Variants in PRKN observed in about 807,000 individuals in gnomAD.
The protein encoded by PRKN is E3 ubiquitin-protein ligase parkin.
A neutral mutation model predicts 59.5 loss-of-function variants in PRKN; 56 were observed. That is an observed-to-expected ratio of 0.94 (90% CI 0.76 to 1.18). The LOEUF is 1.18. Among genes scored for constraint, PRKN ranks in the 50% most tolerant of loss-of-function variants. The pLI is 0.00. For synonymous variants in PRKN, 250 were observed against 222.1 expected, an observed-to-expected ratio of 1.13 and a Z score of -1.12; for missense variants, 657 against 596.4, an observed-to-expected ratio of 1.10 and a Z score of -1.06.
At chr6:162,366,776 A>ATGCCTG (rs1785461406) in intron 2 of PRKN, among the ~76,000 whole-genome samples, 1 of 152,074 alleles carries the variant, frequency 6.6e-6, no homozygotes, top group South Asian at 2.1e-4. Flanking sequence ...GTGGTGGTAC[A>ATGCCTG]TAATCCCAGC....
intron 9 of PRKN, among the ~76,000 whole-genome samples, chr6:161,416,217 G>A (rs1475544468): frequency 6.6e-6 from 1 of 152,120 alleles, no homozygotes; most frequent in African/African-American, 2.4e-5. Context: ...TTCACAGAAT[G>A]ACCAGTGGCC....
At position 162,711,390 on chromosome 6, in the gene PRKN, G is replaced by A. The variant is rs544068147; in HGVS notation, c.7+16272C>T. Among the ~76,000 whole-genome samples, 6 of 148,142 alleles carry A rather than the reference G, an allele frequency of 4.1e-5. No individual in the cohort carries two copies. The South Asian group carries it at 1.1e-3, about 26-fold the overall frequency. On this transcript the variant is annotated intron_variant, in intron 1 of 11. Coordinates refer to ENST00000366898, the MANE Select transcript of PRKN (RefSeq NM_004562.3). ...TGCTTATTCTCTGATGAGACCAACTGGAATCAAGCTGTTGGTCAAAACTGC... is the reference window on the plus strand; with the variant it reads ...TGCTTATTCTCTGATGAGACCAACTAGAATCAAGCTGTTGGTCAAAACTGC...
intron 7 of PRKN, among the ~76,000 whole-genome samples, chr6:161,585,450 T>C (rs1028430429): frequency 1.3e-5 from 2 of 152,204 alleles, no homozygotes; most frequent in African/African-American, 2.4e-5. Context: ...AGCCCTCTTT[T>C]GCAGATAGAT....
intron 3 of PRKN, among the ~76,000 whole-genome samples, chr6:162,238,264 A>C (rs184767809): frequency 1.6e-4 from 24 of 152,226 alleles, no homozygotes; most frequent in Non-Finnish European, 3.2e-4. Flanking sequence ...TGCAGTATTC[A>C]GTACAGAAAC....
intron 4 of PRKN, among the ~76,000 whole-genome samples, chr6:162,112,385 T>G (rs1431374629): frequency 1.3e-5 from 2 of 152,202 alleles, no homozygotes; most frequent in Non-Finnish European, 2.9e-5. Context: ...ACAGAATACC[T>G]AAGTTTCTCC....
At chr6:162,107,331 G>A (rs919355908) in intron 4 of PRKN, among the ~76,000 whole-genome samples, 8 of 152,284 alleles carry the variant, frequency 5.3e-5, no homozygotes, top group Admixed American at 1.3e-4. Context: ...CGGGCATGGC[G>A]GCAGGCGCCT....
intron 10 of PRKN, among the ~76,000 whole-genome samples, chr6:161,374,697 G>A (rs1785610339): frequency 7.2e-6 from 1 of 139,480 alleles, no homozygotes; most frequent in Non-Finnish European, 1.6e-5. Flanking sequence ...TGTGTGATGT[G>A]TGCGTTATGT....
At chr6:161,904,921 G>T (rs1778086220) in intron 6 of PRKN, among the ~76,000 whole-genome samples, 1 of 152,108 alleles carries the variant, frequency 6.6e-6, no homozygotes, top group African/African-American at 2.4e-5. Flanking sequence ...TCAAGGTGTG[G>T]ATGGCTCTGC....
chr6:161,929,709 G>A (rs1405915294), intron 6 of PRKN, among the ~76,000 whole-genome samples: 2 of 151,770 alleles, frequency 1.3e-5, no homozygotes, highest in East Asian at 3.9e-4. Flanking sequence ...TAGAAACGGG[G>A]TTTTGCCATG....
intron 3 of PRKN, among the ~76,000 whole-genome samples, chr6:162,212,097 C>G (rs1018821795): frequency 6.6e-6 from 1 of 152,112 alleles, no homozygotes; most frequent in Non-Finnish European, 1.5e-5. Context: ...GAAAGTCTTT[C>G]TATATCATGA....
chr6:162,660,878 G>C (rs147922935), intron 1 of PRKN, among the ~76,000 whole-genome samples: 35 of 152,084 alleles, frequency 2.3e-4, no homozygotes, highest in African/African-American at 8.2e-4. Flanking sequence ...TCCTGGGCTG[G>C]GTACTCAAGA....
At chr6:162,337,205 T>C (rs1041639551) in intron 2 of PRKN, among the ~76,000 whole-genome samples, 36 of 152,178 alleles carry the variant, frequency 2.4e-4, no homozygotes, top group African/African-American at 8.4e-4. Flanking sequence ...AGTATGAATC[T>C]GCCTAATTAA....
At chr6:162,696,559 C>CTTTTT (rs748055251) in intron 1 of PRKN, among the ~76,000 whole-genome samples, 25 of 108,522 alleles carry the variant, frequency 2.3e-4, no homozygotes, top group African/African-American at 3.6e-4. Flanking sequence ...TCAGGAAAAA[C>CTTTTT]TTTTTTTTTT....
intron 1 of PRKN, among the ~76,000 whole-genome samples, chr6:162,553,210 G>A (rs1035300523): frequency 1.1e-4 from 16 of 152,168 alleles, no homozygotes; most frequent in African/African-American, 3.6e-4. Flanking sequence ...CTTTGATGAG[G>A]CAGAGGTGGG....
chr6:162,534,199 C>T (rs1241780704), intron 1 of PRKN, among the ~76,000 whole-genome samples: 1 of 152,072 alleles, frequency 6.6e-6, no homozygotes, highest in Admixed American at 6.6e-5. Context: ...CGCCATCTTA[C>T]GCTAGCAGGT....
intron 2 of PRKN, among the ~76,000 whole-genome samples, chr6:162,277,838 G>A (rs1780704121): frequency 6.6e-6 from 1 of 152,104 alleles, no homozygotes; most frequent in Non-Finnish European, 1.5e-5. Context: ...AATGCAAAAC[G>A]GTATAGTCAC....
chr6:162,057,364 T>C (rs1239261798), intron 4 of PRKN, among the ~76,000 whole-genome samples: 1 of 152,170 alleles, frequency 6.6e-6, no homozygotes, highest in Non-Finnish European at 1.5e-5. Context: ...ATGTGAGGAC[T>C]TGGAAGGCAG....
At chr6:161,631,017 G>C (rs1052677771) in intron 7 of PRKN, among the ~76,000 whole-genome samples, 3 of 152,226 alleles carry the variant, frequency 2.0e-5, no homozygotes, top group African/African-American at 7.2e-5. Context: ...GAAGGGTGGG[G>C]CCACGCTTTC....
intron 2 of PRKN, among the ~76,000 whole-genome samples, chr6:162,307,850 G>A (rs543462730): frequency 2.8e-5 from 4 of 141,392 alleles, no homozygotes; most frequent in African/African-American, 6.4e-5. Flanking sequence ...CAGCTATTAC[G>A]ATATAAAAAG....
Sources: gnomAD v4.1 joint callset for allele counts (sites outside exome capture counted in the v4.1 genomes callset) on GRCh38, gnomAD v4.1.1 for gene constraint, MANE v1.5 for transcripts, NCBI Gene and HGNC (gene_info 2026-07-23, HGNC 2026-07-21) for gene names.